Variants in SLIT2 observed in about 807,000 individuals in gnomAD.
SLIT2 encodes slit homolog 2 protein.
A neutral mutation model predicts 185.7 loss-of-function variants in SLIT2; 41 were observed. That is an observed-to-expected ratio of 0.22 (90% confidence interval 0.17 to 0.29). The LOEUF is 0.29. Among genes scored for constraint, SLIT2 ranks in the 10% least tolerant of loss-of-function variants. The pLI is 1.00. For missense variants in SLIT2, 1,571 were observed against 1,909.0 expected, an observed-to-expected ratio of 0.82 and a Z score of 3.30; for synonymous variants, 693 against 680.2, an observed-to-expected ratio of 1.02 and a Z score of -0.29.
At chr4:20,389,518 A>G (rs528055878) in intron 4 of SLIT2, among the ~76,000 whole-genome samples, 2 of 152,014 alleles carry the variant, frequency 1.3e-5, no homozygotes, top group East Asian at 3.9e-4. Flanking sequence ...AGAGTGAGAA[A>G]TTAAGTTGTT....
At chr4:20,607,326 C>T (rs1295156313) in intron 33 of SLIT2, among the ~76,000 whole-genome samples, 1 of 152,156 alleles carries the variant, frequency 6.6e-6, no homozygotes, top group African/African-American at 2.4e-5. Flanking sequence ...TTTCAGAGGT[C>T]TTGTCTTAAA....
At chr4:20,556,848 T>C (rs1350963378) in intron 26 of SLIT2, among the ~76,000 whole-genome samples, 1 of 152,024 alleles carries the variant, frequency 6.6e-6, no homozygotes, top group Non-Finnish European at 1.5e-5. Context: ...AAGCAAAAGT[T>C]CTTGAAGGAA....
intron 3 of SLIT2, among the ~76,000 whole-genome samples, chr4:20,268,176 C>T (rs1256262641): frequency 6.6e-6 from 1 of 151,816 alleles, no homozygotes; most frequent in Non-Finnish European, 1.5e-5. Context: ...TTTACTTAGA[C>T]ATTTTAAAAC....
chr4:20,571,561 G>A (rs975197098), intron 29 of SLIT2, among the ~76,000 whole-genome samples: 2 of 152,136 alleles, frequency 1.3e-5, no homozygotes, highest in Non-Finnish European at 2.9e-5. Flanking sequence ...GTATGAATGA[G>A]GCTCTAGAGT....
intron 15 of SLIT2, among the ~76,000 whole-genome samples, chr4:20,527,670 G>A (rs538515415): frequency 1.4e-4 from 22 of 152,174 alleles, no homozygotes; most frequent in African/African-American, 5.3e-4. Flanking sequence ...AGACCACCGT[G>A]CTTCAAAATA....
chr4:20,403,892 G>A (rs1726548390), intron 4 of SLIT2, among the ~76,000 whole-genome samples: 1 of 96,218 alleles, frequency 1.0e-5, no homozygotes, highest in Non-Finnish European at 2.1e-5. Flanking sequence ...GCTGTTAACT[G>A]GACTTAAAAA....
chr4:20,573,270 C>CT, intron 29 of SLIT2: 1 of 702,896 alleles, frequency 1.4e-6, no homozygotes, highest in East Asian at 2.7e-5. Context: ...GGTTAGTTGC[C>CT]TTTTAAGTCT....
intron 9 of SLIT2, among the ~76,000 whole-genome samples, chr4:20,492,294 G>A (rs761327060): frequency 8.5e-5 from 13 of 152,128 alleles, no homozygotes; most frequent in Non-Finnish European, 1.3e-4. Flanking sequence ...CTGCCTCCTC[G>A]AGAGCTCATG....
intron 4 of SLIT2, among the ~76,000 whole-genome samples, chr4:20,455,297 A>G (rs1337256318): frequency 6.6e-6 from 1 of 152,132 alleles, no homozygotes. Context: ...AATATAATCT[A>G]ATGTCTAGAG....
chr4:20,518,469 A>G (rs1327236745), intron 11 of SLIT2, among the ~76,000 whole-genome samples: 14 of 122,774 alleles, frequency 1.1e-4, no homozygotes, highest in East Asian at 5.1e-4. Flanking sequence ...AGCCAGGATG[A>G]TCTCGATCTC....
At chr4:20,570,712 AATATATATATATATATATGTATAT>A (rs1300876141) in intron 29 of SLIT2, among the ~76,000 whole-genome samples, 36 of 112,314 alleles carry the variant, frequency 3.2e-4, no homozygotes, top group Non-Finnish European at 5.4e-4. Context: ...CAGAACCAGG[AATATATATATATATATATGTATAT>A]ATATATATAT....
chr4:20,300,841 C>T (rs570509555), intron 4 of SLIT2, among the ~76,000 whole-genome samples: 8 of 151,774 alleles, frequency 5.3e-5, no homozygotes, highest in African/African-American at 1.9e-4. Context: ...GCTAGAGCTT[C>T]GTTTGAGTAT....
intron 29 of SLIT2, among the ~76,000 whole-genome samples, chr4:20,571,937 CAGAGATCTG>C (rs1725645360): frequency 6.6e-6 from 1 of 152,136 alleles, no homozygotes; most frequent in East Asian, 1.9e-4. Flanking sequence ...GAAACAAATT[CAGAGATCTG>C]AGAGCAATCT....
rs1717208917 is a variant in SLIT2, at chr4:20,486,108, G to C, written c.540-92G>C. The C allele has an allele frequency of 3.9e-6, 3 of 761,186 alleles. No homozygotes were observed. In the Admixed American group the frequency reaches 6.1e-5, roughly 15 times the overall value. The allele number at this position is 761,186 out of a possible 1,614,324, so 47.2% of individuals were successfully genotyped here. A position where few individuals can be genotyped will look rare whatever the true frequency, so the allele number is the denominator to read the frequency against. ...TCTACCAGGTAGCTGTCCTGCATAA[G>C]CATAGTACAAGACGTTTTCTCTATG... On this transcript the variant is annotated intron_variant, in intron 6 of 36. Transcript: ENST00000504154.
At chr4:20,482,254 C>T (rs572768047) in intron 6 of SLIT2, among the ~76,000 whole-genome samples, 4 of 151,922 alleles carry the variant, frequency 2.6e-5, no homozygotes, top group African/African-American at 7.2e-5. Flanking sequence ...TGATACCAAT[C>T]ATTTTATGCA....
intron 4 of SLIT2, among the ~76,000 whole-genome samples, chr4:20,321,144 A>AAAACC (rs1232218775): frequency 1.3e-5 from 2 of 152,156 alleles, no homozygotes; most frequent in African/African-American, 4.8e-5. Flanking sequence ...AAAACAAAAC[A>AAAACC]AAACAAAAAA....
At chr4:20,593,009 G>A (rs933229872) in intron 30 of SLIT2, among the ~76,000 whole-genome samples, 4 of 152,096 alleles carry the variant, frequency 2.6e-5, no homozygotes, top group African/African-American at 9.7e-5. Context: ...TCCTGATTTA[G>A]CATTTTCAGA....
intron 4 of SLIT2, among the ~76,000 whole-genome samples, chr4:20,365,972 A>G (rs1020705769): frequency 6.6e-6 from 1 of 152,154 alleles, no homozygotes; most frequent in Non-Finnish European, 1.5e-5. Flanking sequence ...TGAATTAGGA[A>G]TCTTTCAGTG....
chr4:20,545,276 A>G (rs1423201784), intron 21 of SLIT2, among the ~76,000 whole-genome samples: 1 of 152,000 alleles, frequency 6.6e-6, no homozygotes, highest in African/African-American at 2.4e-5. Flanking sequence ...ACGTTCTAGG[A>G]AAAACAGCCT....
Sources: gnomAD v4.1 joint callset for allele counts (sites outside exome capture counted in the v4.1 genomes callset) on GRCh38, gnomAD v4.1.1 for gene constraint, MANE v1.5 for transcripts, NCBI Gene and HGNC (gene_info 2026-07-23, HGNC 2026-07-21) for gene names.